The following SMYD4 variants were observed in gnomAD, a reference collection of about 807,000 sequenced individuals.
SMYD4 encodes the protein SET and MYND domain containing 4.
Under a neutral mutation model 72.8 loss-of-function variants are expected in SMYD4, and 68 were observed. The observed-to-expected ratio is 0.93, with a 90% CI of 0.77 to 1.14. The LOEUF is 1.14. Ranked by LOEUF, SMYD4 falls within the 50% of genes most tolerant of loss-of-function variation. The pLI is 0.00. For synonymous variants in SMYD4, 407 were observed against 388.6 expected (o/e 1.05, Z -0.56); for missense variants, 984 against 1,003.7 (o/e 0.98, Z 0.27).
chr17:1,787,081 G>T (rs1567766113), intron 6 of SMYD4, 108 bp from the exon 7 acceptor site: 3 of 1,364,210 alleles, frequency 2.2e-6, no homozygotes, highest in East Asian at 2.4e-5. Context: ...TCATGTGACA[G>T]CTAACCTTTA....
chr17:1,810,354 T>C (rs1379850309), intron 3 of SMYD4, among the ~76,000 whole-genome samples: 3 of 151,952 alleles, frequency 2.0e-5, no homozygotes, highest in Non-Finnish European at 4.4e-5. Flanking sequence ...CTGGCCAACA[T>C]GGCGAAAACC....
At chr17:1,807,423 C>CA (rs1403929400) in intron 3 of SMYD4, among the ~76,000 whole-genome samples, 1 of 151,922 alleles carries the variant, frequency 6.6e-6, no homozygotes, top group Admixed American at 6.6e-5. Context: ...GTACCGCCCC[C>CA]CCCGGCCCCC....
At position 1,800,045 on chromosome 17, in the gene SMYD4, A is replaced by G. The variant is rs1311928871; in HGVS notation, c.1349T>C (p.Leu450Pro). ...ACTGGCTGCTTCTAGCTGTCTGCAC[A>G]GTGCAGAAACACAGAGAGCACAGAG... Reference protein sequence around the residue: ...KFLCALCVSALCRQLEAASLQ... With the variant: ...KFLCALCVSAPCRQLEAASLQ... The change falls in exon 5 of 11, where the codon CTG becomes CCG. Residue 450 changes from leucine to proline, a missense_variant. By Grantham distance (98) the Leu-to-Pro change is moderately conservative. Transcript: ENST00000305513. The G allele has an allele frequency of 3.1e-6, 5 of 1,613,778 alleles. No homozygotes were observed. Among genetic ancestry groups the G allele is most frequent in the Non-Finnish European group, 4.2e-6 (5 of 1,179,856 alleles).
At chr17:1,804,473 G>A in intron 4 of SMYD4, 153 bp downstream of exon 4, 3 of 653,028 alleles carry the variant, frequency 4.6e-6, no homozygotes, top group Non-Finnish European at 7.7e-6. Context: ...CGCCCAGTCC[G>A]ACTTTAGGTA....
chr17:1,806,769 T>C (rs903114673), intron 3 of SMYD4, among the ~76,000 whole-genome samples: 1 of 152,206 alleles, frequency 6.6e-6, no homozygotes, highest in African/African-American at 2.4e-5. Flanking sequence ...AAATTCTATA[T>C]GTATGTATAT....
chr17:1,801,943 T>A (rs1001114938), intron 4 of SMYD4, among the ~76,000 whole-genome samples: 7 of 151,928 alleles, frequency 4.6e-5, no homozygotes, highest in African/African-American at 1.7e-4. Flanking sequence ...GCCACTGAAC[T>A]CCAGCCTGGG....
chr17:1,781,601 C>T (rs1347191163), intron 10 of SMYD4, 162 bp from the exon 11 acceptor site: 1 of 694,902 alleles, frequency 1.4e-6, no homozygotes, highest in East Asian at 3.4e-5. Flanking sequence ...CGCTGCAAAA[C>T]AAAAGTGTGA....
chr17:1,812,755 G>T (rs974066390), intron 2 of SMYD4, among the ~76,000 whole-genome samples: 33 of 151,464 alleles, frequency 2.2e-4, no homozygotes, highest in African/African-American at 7.5e-4. Context: ...CACCATGTTA[G>T]CCAGGCTGGT....
intron 7 of SMYD4, among the ~76,000 whole-genome samples, chr17:1,786,193 G>C (rs1319710035): frequency 1.3e-5 from 2 of 152,168 alleles, no homozygotes. Flanking sequence ...TGCTGTTTGA[G>C]TGGCATGTGC....
intron 2 of SMYD4, among the ~76,000 whole-genome samples, chr17:1,827,173 A>AAAAT (rs1209555177): frequency 4.6e-5 from 7 of 151,582 alleles, no homozygotes; most frequent in Admixed American, 2.6e-4. Context: ...AAATAAAATA[A>AAAAT]AAATAAATAA....
intron 3 of SMYD4, among the ~76,000 whole-genome samples, chr17:1,810,864 G>C (rs974446291): frequency 1.3e-5 from 2 of 152,238 alleles, no homozygotes; most frequent in African/African-American, 4.8e-5. Context: ...GGCCAGAGCA[G>C]CTGGTAAAGA....
At chr17:1,801,521 T>C (rs1909754351) in intron 4 of SMYD4, among the ~76,000 whole-genome samples, 1 of 149,318 alleles carries the variant, frequency 6.7e-6, no homozygotes. Context: ...ATTACAGGCA[T>C]GAGCCACTGC....
intron 2 of SMYD4, among the ~76,000 whole-genome samples, chr17:1,822,188 C>T (rs1314445378): frequency 2.0e-5 from 3 of 151,892 alleles, no homozygotes; most frequent in Non-Finnish European, 2.9e-5. Context: ...GAACAGAGAT[C>T]GCGCCACTGC....
At chr17:1,797,810 T>C (rs1909484882) in intron 5 of SMYD4, among the ~76,000 whole-genome samples, 1 of 152,120 alleles carries the variant, frequency 6.6e-6, no homozygotes. Context: ...GAGACCAGCC[T>C]GGCCAACATG....
chr17:1,817,940 G>A (rs1015788086), intron 2 of SMYD4, among the ~76,000 whole-genome samples: 54 of 151,424 alleles, frequency 3.6e-4, no homozygotes, highest in Non-Finnish European at 6.2e-4. Flanking sequence ...CCAGCTACTC[G>A]GGAGGCTGAG....
intron 4 of SMYD4, among the ~76,000 whole-genome samples, chr17:1,801,503 G>C (rs1464917283): frequency 6.6e-6 from 1 of 151,156 alleles, no homozygotes; most frequent in Non-Finnish European, 1.5e-5. Context: ...GCCTCCCAAA[G>C]TGCTGGGATT....
At chr17:1,812,533 TCAG>T (rs1910381322) in intron 2 of SMYD4, among the ~76,000 whole-genome samples, 1 of 141,110 alleles carries the variant, frequency 7.1e-6, no homozygotes. Context: ...GCTCAAATGA[TCAG>T]CAGAATTTCT....
chr17:1,787,031 A>G (rs181966026), intron 6 of SMYD4, 58 bp from the exon 7 acceptor site: 411 of 1,594,412 alleles, frequency 2.6e-4, no homozygotes, highest in Non-Finnish European at 3.3e-4. Context: ...AACACTACGT[A>G]AAAACCTTCA....
chr17:1,811,668 T>G (rs1364791376), intron 3 of SMYD4, among the ~76,000 whole-genome samples: 2 of 152,198 alleles, frequency 1.3e-5, no homozygotes, highest in Non-Finnish European at 2.9e-5. Flanking sequence ...GGCTCATGCC[T>G]GTAATCCCAG....
Sources: allele counts gnomAD v4.1 joint callset (sites outside exome capture counted in the v4.1 genomes callset), GRCh38; gene constraint gnomAD v4.1.1; transcripts MANE v1.5; gene names NCBI Gene and HGNC (gene_info 2026-07-23, HGNC 2026-07-21).